Variants in DERL2 observed in about 807,000 individuals in gnomAD.
DERL2 encodes the protein derlin-2.
Under a neutral mutation model 32.0 loss-of-function variants are expected in DERL2, and 13 were observed. The ratio of observed to expected loss-of-function variants is 0.41; its 90% CI spans 0.26 to 0.65. DERL2 has a LOEUF of 0.65. Among genes scored for constraint, DERL2 ranks in the 30% least tolerant of loss-of-function variants. The pLI is 0.35. For synonymous variants in DERL2, 111 were observed against 104.7 expected (o/e 1.06, Z -0.37); for missense variants, 208 against 296.3 (o/e 0.70, Z 2.19).
At chr17:5,476,508 GTGGT>G (rs1192187965) in intron 6 of DERL2, among the ~76,000 whole-genome samples, 1 of 152,194 alleles carries the variant, frequency 6.6e-6, no homozygotes, top group Non-Finnish European at 1.5e-5. Flanking sequence ...CCCGGCAGGT[GTGGT>G]GGCTCATGCC....
In DERL2 at chr17:5,485,202, G is replaced by C. The variant is rs1325650584; in HGVS notation, c.108C>G (p.Ile36Met). ...LTTAAVQLELITPFQLYFNPE... is the reference protein window; with the variant it reads ...LTTAAVQLELMTPFQLYFNPE... ...GATTGAAGTACAACTGAAAAGGTGT[G>C]ATCAATTCCAACTGCTGAAATAGAA... Residue 36 changes from isoleucine to methionine, a missense_variant, in exon 2 of 7, where the codon ATC (isoleucine) becomes ATG (methionine). Ile to Met is a conservative substitution (Grantham distance 10). This residue lies in a region of DERL2 where 124 missense variants were observed against 215.3 expected (regional missense o/e 0.58). Coordinates refer to ENST00000158771, the MANE Select transcript of DERL2 (RefSeq NM_016041.5). The C allele has an allele frequency of 6.3e-7, 1 of 1,590,396 alleles. No individual in the cohort carries two copies. The highest frequency in any genetic ancestry group is 2.3e-5 in the East Asian group (1 of 44,158).
chr17:5,476,312 A>G (rs1416485279), intron 6 of DERL2, among the ~76,000 whole-genome samples: 1 of 152,250 alleles, frequency 6.6e-6, no homozygotes, highest in Non-Finnish European at 1.5e-5. Flanking sequence ...TACTGGAGTC[A>G]GAAAATAGTA....
At chr17:5,486,490 A>C, upstream of DERL2, 4 of 228,188 alleles carry the variant, frequency 1.8e-5, no homozygotes, top group East Asian at 1.0e-4. Flanking sequence ...CCTTTCTGTC[A>C]TAATTGAGGT....
chr17:5,485,330 CCTTT>C lies in DERL2; in HGVS notation c.94-118_94-115del, dbSNP rs1333924087. ...ACTCTCGGTCACTTAGACGTGATTT[CCTTT>C]AAGCCTTTCTTCTTAGGCCAGAGGA... is the stretch of plus-strand genomic sequence containing the variant. On this transcript the variant is annotated intron_variant, in intron 1 of 6. Coordinates refer to ENST00000158771, the MANE Select transcript of DERL2 (RefSeq NM_016041.5). The C allele has an allele frequency of 7.6e-6, 5 of 654,228 alleles. No individual in the cohort carries two copies. The Admixed American group carries it at 1.0e-4, about 13-fold the overall frequency. 40.5% of individuals were successfully genotyped at this position (654,228 alleles called of 1,614,324 possible).
Position 5,481,207 on chromosome 17 carries a change from A to C in DERL2, c.327+89T>G. 1 of 962,912 alleles carries C rather than the reference A, an allele frequency of 1.0e-6. No individual in the cohort carries two copies. 59.6% of individuals were successfully genotyped at this position (962,912 alleles called of 1,614,324 possible). A position where few individuals can be genotyped will look rare whatever the true frequency, so the allele number is the denominator to read the frequency against. On this transcript the variant is annotated intron_variant, in intron 4 of 6. Coordinates refer to ENST00000158771, the MANE Select transcript of DERL2 (RefSeq NM_016041.5). The surrounding 1 kb of genome is among the most constrained non-coding windows in gnomAD (Gnocchi z 4.4). ...TAAATGATAGTGCCCTGAAGCTAAG[A>C]TCTAGAGAACTGTGGGAGACAGATG...
intron 1 of DERL2, among the ~76,000 whole-genome samples, chr17:5,485,533 A>C (rs559098616): frequency 8.1e-4 from 123 of 152,288 alleles, no homozygotes; most frequent in South Asian, 3.7e-3. Flanking sequence ...GAATCTACCC[A>C]CCACATGGGC....
At chr17:5,480,002 C>A (rs1905663575) in intron 6 of DERL2, 52 bp downstream of exon 6, 4 of 1,142,496 alleles carry the variant, frequency 3.5e-6, no homozygotes, top group Non-Finnish European at 3.9e-6. Flanking sequence ...ACAGATCATG[C>A]CCCTGTCCTG....
chr17:5,481,398 C>T lies in DERL2; in HGVS notation c.234-9G>A. ...TTCGACAGTAACGATATCTTAAGTT[C>T]CAAGTTAAGAAAATATTAAGCACAC... On this transcript the variant is annotated splice_polypyrimidine_tract_variant and intron_variant, in intron 3 of 6. Transcript: ENST00000158771. This position sits in a 1 kb window ranked among gnomAD's most constrained non-coding sequence, Gnocchi z 4.4. The T allele has an allele frequency of 6.3e-7, 1 of 1,598,778 alleles. No individual in the cohort carries two copies. Among genetic ancestry groups the T allele is most frequent in the Non-Finnish European group, 8.6e-7 (1 of 1,166,458 alleles).
chr17:5,486,709 C>A (rs933481007), upstream of DERL2: 2 of 152,678 alleles, frequency 1.3e-5, no homozygotes, highest in African/African-American at 4.8e-5. Flanking sequence ...GCAGCATTTT[C>A]TCTGAGGAGG....
intron 6 of DERL2, among the ~76,000 whole-genome samples, chr17:5,475,962 GAA>G (rs1385464982): frequency 6.6e-6 from 1 of 152,196 alleles, no homozygotes; most frequent in East Asian, 1.9e-4. Context: ...TCTGTAGGAT[GAA>G]GAGAGTTCTA....
At chr17:5,483,403 C>T (rs1398582646) in intron 2 of DERL2, among the ~76,000 whole-genome samples, 2 of 150,728 alleles carry the variant, frequency 1.3e-5, no homozygotes, top group African/African-American at 4.9e-5. Flanking sequence ...CTGACTCAAA[C>T]TCCTGGCCTC....
At chr17:5,479,845 G>T (rs1352223590) in intron 6 of DERL2, among the ~76,000 whole-genome samples, 3 of 152,164 alleles carry the variant, frequency 2.0e-5, no homozygotes, top group Non-Finnish European at 2.9e-5. Context: ...GATATCTTGA[G>T]CCTGTTGACG....
rs770347779 is a variant in DERL2 at position 5,474,805 on chromosome 17, C to T, written c.615-16G>A. The T allele has an allele frequency of 2.9e-5, 46 of 1,606,490 alleles. No individual in the cohort carries two copies. In the South Asian group the frequency reaches 5.0e-4, roughly 17 times the overall value. On this transcript the variant is annotated splice_polypyrimidine_tract_variant and intron_variant, in intron 6 of 6. Transcript: ENST00000158771. This position sits in a 1 kb window ranked among gnomAD's most constrained non-coding sequence, Gnocchi z 4.3. ...AATAGCTTTCCTAAAAGACAAGCAACAGATATAATTTGGTCCCAGAGTCAT... is the reference window on the plus strand; with the variant it reads ...AATAGCTTTCCTAAAAGACAAGCAATAGATATAATTTGGTCCCAGAGTCAT...
intron 6 of DERL2, among the ~76,000 whole-genome samples, chr17:5,475,645 C>T (rs535724540): frequency 9.9e-5 from 15 of 151,984 alleles, no homozygotes; most frequent in East Asian, 5.9e-4. Context: ...ACTACTCAGG[C>T]GGCTGAGGCA....
At chr17:5,484,282 T>C (rs570960496) in intron 2 of DERL2, among the ~76,000 whole-genome samples, 3 of 152,348 alleles carry the variant, frequency 2.0e-5, no homozygotes, top group African/African-American at 7.2e-5. Flanking sequence ...GTTTCGCTCT[T>C]GTCTCCCAGG....
intron 6 of DERL2, among the ~76,000 whole-genome samples, chr17:5,475,258 A>ATT (rs542436073): frequency 5.6e-5 from 8 of 141,928 alleles, no homozygotes; most frequent in African/African-American, 7.7e-5. Context: ...ATATAATAGA[A>ATT]TTTTTTTTTT....
rs1408885893 is a variant in DERL2, at chr17:5,472,850, T to A, written c.*1834A>T. 6.6e-6 allele frequency: 1 copy of A among 151,794 alleles called. No individual in the cohort carries two copies. The highest frequency in any genetic ancestry group is 2.4e-5 in the African/African-American group (1 of 41,338). 9.4% of individuals were successfully genotyped at this position (151,794 alleles called of 1,614,324 possible). A position where few individuals can be genotyped will look rare whatever the true frequency, so the allele number is the denominator to read the frequency against. The stretch of plus-strand genomic sequence containing the variant: ...GTTCTTGAGCAAAAACAAGATAGGA[T>A]AAAACTTAAGAATCCCATAAGGATT... On this transcript the variant is annotated 3_prime_UTR_variant, in exon 7 of 7. Transcript: ENST00000158771.
Position 5,474,500 on chromosome 17 carries a change from G to C in DERL2, c.*184C>G. ...ACACTTTCAGTACCAGTGTAGTGAG[G>C]AACCACTGGCAAACTGTTGGAAATG... On this transcript the variant is annotated 3_prime_UTR_variant, in exon 7 of 7. Transcript: ENST00000158771. This position sits in a 1 kb window ranked among gnomAD's most constrained non-coding sequence, Gnocchi z 4.3. 1 of 515,642 alleles carries C rather than the reference G, an allele frequency of 1.9e-6. No homozygotes were observed. Among genetic ancestry groups the C allele is most frequent in the East Asian group, 3.4e-5 (1 of 29,472 alleles). The allele number at this position is 515,642 out of a possible 1,614,324, so 31.9% of individuals were successfully genotyped here.
chr17:5,483,856 T>C (rs185851173), intron 2 of DERL2, among the ~76,000 whole-genome samples: 10 of 152,334 alleles, frequency 6.6e-5, no homozygotes, highest in Non-Finnish European at 1.2e-4. Flanking sequence ...CAGCGCCATG[T>C]GAGTATTGTG....
Sources: gnomAD v4.1 joint callset for allele counts (sites outside exome capture counted in the v4.1 genomes callset) on GRCh38, gnomAD v4.1.1 for gene constraint, gnomAD v4.1.1 regional missense constraint, Gnocchi (gnomAD v3.1) non-coding constraint, MANE v1.5 for transcripts, NCBI Gene and HGNC (gene_info 2026-07-23, HGNC 2026-07-21) for gene names.